FOXM1: variants seen among roughly 807,000 people sequenced by gnomAD.
FOXM1 encodes the protein forkhead box M1.
Under a neutral mutation model 63.6 loss-of-function variants are expected in FOXM1, and 25 were observed. That is an observed-to-expected ratio of 0.39 (90% CI 0.29 to 0.55). The LOEUF (loss-of-function observed/expected upper bound fraction) is 0.55, where lower values mean the gene tolerates loss of function less well. Ranked by LOEUF, FOXM1 falls within the 20% of genes least tolerant of loss-of-function variation. FOXM1 has a pLI of 0.60. For missense variants in FOXM1, 879 were observed against 958.7 expected (o/e 0.92, Z 1.10); for synonymous variants, 387 against 376.9 (o/e 1.03, Z -0.31).
In FOXM1 at chr12:2,859,699, C is replaced by T. The variant is rs368034740; in HGVS notation, c.1267-36G>A. The T allele has an allele frequency of 1.3e-5, 20 of 1,520,664 alleles. No individual in the cohort carries two copies. The African/African-American group carries it at 2.2e-4, about 17-fold the overall frequency. 94.2% of individuals were successfully genotyped at this position (1,520,664 alleles called of 1,614,324 possible). A position where few individuals can be genotyped will look rare whatever the true frequency, so the allele number is the denominator to read the frequency against. On this transcript the variant is annotated intron_variant, in intron 8 of 8. Transcript: ENST00000359843. ...AACAGAGATAAGGTGAACCAACGGT[C>T]ACCAGACAGGACGCACAAAAATATC... is the stretch of plus-strand genomic sequence containing the variant.
In FOXM1 at chr12:2,864,126, A is replaced by C. The variant is rs1238382161; in HGVS notation, c.1266+194T>G. The C allele has an allele frequency of 3.5e-6, 2 of 571,866 alleles. No homozygotes were observed. The highest frequency in any genetic ancestry group is 6.2e-6 in the Non-Finnish European group (2 of 323,138). 35.4% of individuals were successfully genotyped at this position (571,866 alleles called of 1,614,324 possible). A position where few individuals can be genotyped will look rare whatever the true frequency, so the allele number is the denominator to read the frequency against. On this transcript the variant is annotated intron_variant, in intron 8 of 8. Transcript: ENST00000359843. This position sits in a 1 kb window ranked among gnomAD's most constrained non-coding sequence, Gnocchi z 5.1. ...TCATCAGGTATTTATGGGCCTTCTGACACCACTTACATTGTAATCCAAATA... is the reference window on the plus strand; with the variant it reads ...TCATCAGGTATTTATGGGCCTTCTGCCACCACTTACATTGTAATCCAAATA...
intron 4 of FOXM1, among the ~76,000 whole-genome samples, chr12:2,867,223 G>C (rs2098124763): frequency 6.6e-6 from 1 of 152,058 alleles, no homozygotes; most frequent in African/African-American, 2.4e-5. Flanking sequence ...ACAGTGCACT[G>C]AGAGGCTAAG....
rs1359057722 is a variant in FOXM1, at chr12:2,864,428, G to A, written c.1158C>T (p.Asn386=). Residue 386 remains asparagine, a synonymous_variant, in exon 8 of 9, where the codon AAC becomes AAT. Coordinates refer to ENST00000359843, the MANE Select transcript of FOXM1 (RefSeq NM_021953.4). The surrounding 1 kb of genome is among the most constrained non-coding windows in gnomAD (Gnocchi z 5.1). Reference sequence around the variant, plus strand: ...CCGAGGGCTGCAACACCAGTGACTGGTTCACCGGGAACTGGATAGGTACCA... The same window carrying A: ...CCGAGGGCTGCAACACCAGTGACTGATTCACCGGGAACTGGATAGGTACCA... ...SYLVPIQFPV[N]QSLVLQPSVK... 9.3e-6 allele frequency: 15 copies of A among 1,614,162 alleles called. No individual in the cohort carries two copies. In the Middle Eastern group the frequency reaches 8.2e-4, roughly 89 times the overall value.
chr12:2,859,736 C>T (rs898826602), intron 8 of FOXM1, 73 bp from the exon 9 acceptor site: 4 of 1,116,440 alleles, frequency 3.6e-6, no homozygotes, highest in Non-Finnish European at 3.8e-6. Context: ...CATACGGGTT[C>T]TGATCCTCTT....
Position 2,864,739 on chromosome 12 carries a change from G to A in FOXM1, c.1034C>T (p.Pro345Leu), listed in dbSNP as rs900046597. The A allele has an allele frequency of 3.7e-6, 6 of 1,614,008 alleles. No homozygotes were observed. The highest frequency in any genetic ancestry group is 2.2e-5 in the East Asian group (1 of 44,880). ...CATGTTCCGGCGGAGCTCTGGATTC[G>A]GTCGTTTCTGCTGCTGCTTGTGGCA... is the stretch of plus-strand genomic sequence containing the variant. Reference protein sequence around the residue: ...PEHLESQQKRPNPELRRNMTI... With the variant: ...PEHLESQQKRLNPELRRNMTI... The change falls in exon 7 of 9, where the codon CCG becomes CTG. Residue 345 changes from proline (P) to leucine (L), a missense_variant. Physicochemically the swap from Pro to Leu is moderately conservative, Grantham distance 98 (BLOSUM62 -3). Coordinates refer to ENST00000359843, the MANE Select transcript of FOXM1 (RefSeq NM_021953.4). The surrounding 1 kb of genome is among the most constrained non-coding windows in gnomAD (Gnocchi z 5.1).
chr12:2,861,167 C>CAAAAAA, intron 8 of FOXM1: 1 of 388,944 alleles, frequency 2.6e-6, no homozygotes, highest in Middle Eastern at 4.8e-4. Flanking sequence ...GACTCCGTCT[C>CAAAAAA]AAAAAAAAAA....
chr12:2,874,437 C>A lies in FOXM1; in HGVS notation c.42G>T (p.Arg14=). 6.2e-7 allele frequency: 1 copy of A among 1,613,118 alleles called. No individual in the cohort carries two copies. Residue 14 remains arginine, a synonymous_variant, in exon 2 of 9, where the codon CGG becomes CGT. Transcript: ENST00000359843. This position sits in a 1 kb window ranked among gnomAD's most constrained non-coding sequence, Gnocchi z 4.3. ...CATTTTGAACAGGAAGGGGCAGCCT[C>A]CGTCTTTTGAGAATCAGTGGCCGAC... The part of the protein sequence containing the change: ...SPRRPLILKR[R]RLPLPVQNAP...
At chr12:2,860,940 G>C (rs2098111244) in intron 8 of FOXM1, among the ~76,000 whole-genome samples, 1 of 151,404 alleles carries the variant, frequency 6.6e-6, no homozygotes, top group Non-Finnish European at 1.5e-5. Context: ...AGGCCGAGGT[G>C]GGTGGATCAT....
rs146806588 is a variant in FOXM1, at chr12:2,874,005, G to A, written c.474C>T (p.Ala158=). The part of the protein sequence containing the change: ...RDVNLPRPPG[A]LCEQKRETCA... Reference sequence around the variant, plus strand: ...AGGTCTCCCGTTTCTGCTCGCAAAGGGCTCCAGGTGGTCTAGGAAGATTCA... The same window carrying A: ...AGGTCTCCCGTTTCTGCTCGCAAAGAGCTCCAGGTGGTCTAGGAAGATTCA... The change falls in exon 2 of 9, where the codon GCC becomes GCT. Residue 158 remains alanine (A), a synonymous_variant. Coordinates refer to ENST00000359843, the MANE Select transcript of FOXM1 (RefSeq NM_021953.4). This position sits in a 1 kb window ranked among gnomAD's most constrained non-coding sequence, Gnocchi z 4.3. 351 of 1,613,438 alleles carry A rather than the reference G, an allele frequency of 2.2e-4. No individual in the cohort carries two copies. Among genetic ancestry groups the A allele is most frequent in the Non-Finnish European group, 2.7e-4 (322 of 1,179,564 alleles).
At chr12:2,861,635 C>T (rs1050567582) in intron 8 of FOXM1, among the ~76,000 whole-genome samples, 1 of 152,122 alleles carries the variant, frequency 6.6e-6, no homozygotes, top group African/African-American at 2.4e-5. Context: ...TACCTTCTCA[C>T]CCAACAATCT....
At position 2,865,354 on chromosome 12, in the gene FOXM1, C is replaced by A; in HGVS notation, c.1020+1G>T. 6.2e-7 allele frequency: 1 copy of A among 1,610,402 alleles called. No homozygotes were observed. The highest frequency in any genetic ancestry group is 8.5e-7 in the Non-Finnish European group (1 of 1,178,000). ...CCCGAGCCAGAGGGAAAGAACCTTA[C>A]TGATTCCAAGTGCTCGGGCAATTGT... On this transcript the variant is annotated splice_donor_variant, in intron 6 of 8. Coordinates refer to ENST00000359843, the MANE Select transcript of FOXM1 (RefSeq NM_021953.4). LOFTEE classifies it high-confidence loss of function.
chr12:2,858,549 T>C lies in FOXM1; in HGVS notation c.*89A>G. 1 of 1,170,116 alleles carries C rather than the reference T, an allele frequency of 8.5e-7. No individual in the cohort carries two copies. Among genetic ancestry groups the C allele is most frequent in the Non-Finnish European group, 1.2e-6 (1 of 827,220 alleles). The allele number at this position is 1,170,116 out of a possible 1,614,324, so 72.5% of individuals were successfully genotyped here. On this transcript the variant is annotated 3_prime_UTR_variant, in exon 9 of 9. Coordinates refer to ENST00000359843, the MANE Select transcript of FOXM1 (RefSeq NM_021953.4). ...TATGAGGAGCAGAACAGTCCCTGCC[T>C]GCTGTCCTCACTCAGAGGCTTGGGG...
chr12:2,874,312 C>T lies in FOXM1; in HGVS notation c.167G>A (p.Cys56Tyr). 2.5e-6 allele frequency: 4 copies of T among 1,614,180 alleles called. No individual in the cohort carries two copies. Among genetic ancestry groups the T allele is most frequent in the Non-Finnish European group, 3.4e-6 (4 of 1,180,048 alleles). ...AATCTTGATCCCAGCTGGAAACTTG[C>T]AAGAGTTGGACTCTGCCACTTCCTT... is the stretch of plus-strand genomic sequence containing the variant. ...ASKEVAESNS[C>Y]KFPAGIKIIN... The change falls in exon 2 of 9, where the codon TGC (cysteine) becomes TAC (tyrosine). Residue 56 changes from cysteine (C) to tyrosine (Y), a missense_variant. By Grantham distance (194) the Cys-to-Tyr change is radical. Coordinates refer to ENST00000359843, the MANE Select transcript of FOXM1 (RefSeq NM_021953.4). The surrounding 1 kb of genome is among the most constrained non-coding windows in gnomAD (Gnocchi z 4.3).
chr12:2,870,555 C>T (rs1001786609), intron 3 of FOXM1, among the ~76,000 whole-genome samples: 11 of 150,476 alleles, frequency 7.3e-5, no homozygotes, highest in Admixed American at 3.3e-4. Context: ...CCCAGCTACT[C>T]GGGAGGCTGA....
rs143532828 is a variant in FOXM1 at position 2,864,721 on chromosome 12, C to A, written c.1052G>T (p.Arg351Leu). Residue 351 changes from arginine (R) to leucine (L), a missense_variant, in exon 7 of 9, where the codon CGG becomes CTG. Transcript: ENST00000359843. The surrounding 1 kb of genome is among the most constrained non-coding windows in gnomAD (Gnocchi z 5.1). ...GAGTTCGGTTTTGATGGTCATGTTC[C>A]GGCGGAGCTCTGGATTCGGTCGTTT... ...QQKRPNPELRRNMTIKTELPL... is the reference protein window; with the variant it reads ...QQKRPNPELRLNMTIKTELPL... The A allele has an allele frequency of 1.4e-4, 229 of 1,614,144 alleles. No individual in the cohort carries two copies. The East Asian group carries it at 4.9e-3, about 35-fold the overall frequency.
intron 8 of FOXM1, chr12:2,861,380 C>T (rs753232794): frequency 2.0e-5 from 14 of 700,704 alleles, no homozygotes; most frequent in Non-Finnish European, 3.1e-5. Flanking sequence ...AGAACTTACT[C>T]ATGTAACCAA....
At chr12:2,875,392 A>G (rs1461865657) in intron 1 of FOXM1, among the ~76,000 whole-genome samples, 1 of 152,208 alleles carries the variant, frequency 6.6e-6, no homozygotes, top group Non-Finnish European at 1.5e-5. Flanking sequence ...TGGAAAAATC[A>G]TCTCCCAGTT....
At chr12:2,861,754 G>A (rs1565465307) in intron 8 of FOXM1, among the ~76,000 whole-genome samples, 1 of 152,164 alleles carries the variant, frequency 6.6e-6, no homozygotes, top group African/African-American at 2.4e-5. Flanking sequence ...AACAGAATCT[G>A]TCCATAAAAG....
intron 1 of FOXM1, among the ~76,000 whole-genome samples, chr12:2,875,814 G>A (rs2098142087): frequency 6.8e-6 from 1 of 148,140 alleles, no homozygotes; most frequent in African/African-American, 2.5e-5. Context: ...AGGCTGGAGT[G>A]CAATGGCGCA....
Sources: allele counts gnomAD v4.1 joint callset (sites outside exome capture counted in the v4.1 genomes callset), GRCh38; gene constraint gnomAD v4.1.1; non-coding constraint Gnocchi (gnomAD v3.1); transcripts MANE v1.5; gene names NCBI Gene and HGNC (gene_info 2026-07-23, HGNC 2026-07-21).